CARMIL3: variants seen among roughly 807,000 people sequenced by gnomAD.
The protein encoded by CARMIL3 is capping protein regulator and myosin 1 linker 3.
Under a neutral mutation model 180.8 loss-of-function variants are expected in CARMIL3, and 88 were observed. The ratio of observed to expected loss-of-function variants is 0.49; its 90% CI spans 0.41 to 0.58. CARMIL3 has a LOEUF of 0.58. CARMIL3 is among the 20% of genes least tolerant of loss of function. The pLI is 0.00. For synonymous variants in CARMIL3, 696 were observed against 714.5 expected (o/e 0.97, Z 0.41); for missense variants, 1,548 against 1,787.0 (o/e 0.87, Z 2.41).
intron 36 of CARMIL3, among the ~76,000 whole-genome samples, chr14:24,067,512 A>G (rs926141721): frequency 4.6e-5 from 7 of 152,248 alleles, no homozygotes; most frequent in South Asian, 2.1e-4. Flanking sequence ...CTTGAGCCAC[A>G]TGCTCCCCAC....
rs748423954 is a variant in CARMIL3, at chr14:24,059,353, C to T, written c.1710C>T (p.Cys570=). The T allele has an allele frequency of 7.4e-6, 12 of 1,613,758 alleles. No homozygotes were observed. In the East Asian group the frequency reaches 2.2e-4, roughly 30 times the overall value. Residue 570 remains cysteine (C), a synonymous_variant, in exon 21 of 40, where the codon TGC becomes TGT. Coordinates refer to ENST00000342740, the MANE Select transcript of CARMIL3 (RefSeq NM_138360.4). This position sits in a 1 kb window ranked among gnomAD's most constrained non-coding sequence, Gnocchi z 6.3. ...TCAATGCCCTGGGCAGCAACACCTG[C>T]CTGGCCAAGGTGGATCTGAGCGGCA... ...ILINALGSNT[C]LAKVDLSGNG... is the part of the protein sequence containing the mutation.
In CARMIL3 at chr14:24,064,966, G is replaced by A. The variant is rs763405663; in HGVS notation, c.3089G>A (p.Arg1030Gln). 201 of 1,611,304 alleles carry A rather than the reference G, an allele frequency of 1.2e-4. No homozygotes were observed. Among genetic ancestry groups the A allele is most frequent in the African/African-American group, 3.5e-4 (26 of 74,730 alleles). Residue 1030 changes from arginine to glutamine, a missense_variant, in exon 33 of 40, where the codon CGG becomes CAG. Around this residue, in one of 4 missense-constraint regions of CARMIL3, gnomAD observed 668 missense variants for 687.8 expected, o/e 0.97. Coordinates refer to ENST00000342740, the MANE Select transcript of CARMIL3 (RefSeq NM_138360.4). ...ACCCCGATTCTCCCCAGCTACCCCCGGACTCTGAGGACCGTGCGGCCAGGA... is the reference window on the plus strand; with the variant it reads ...ACCCCGATTCTCCCCAGCTACCCCCAGACTCTGAGGACCGTGCGGCCAGGA... ...RVLEESSSYP[R>Q]TLRTVRPGLS...
At chr14:24,060,858 G>A (rs1423590884) in intron 25 of CARMIL3, 69 bp from the exon 26 acceptor site, 5 of 1,543,274 alleles carry the variant, frequency 3.2e-6, no homozygotes, top group Non-Finnish European at 4.4e-6. Flanking sequence ...TGCCTTCCTA[G>A]CCCAGGGACC....
At chr14:24,066,523 T>C in intron 35 of CARMIL3, 44 bp from the exon 36 acceptor site, 1 of 1,612,540 alleles carries the variant, frequency 6.2e-7, no homozygotes, top group Non-Finnish European at 8.5e-7. Context: ...CAAATTTACC[T>C]TTTCCCTTTC....
rs1234126538 is a variant in CARMIL3, at chr14:24,056,676, T to C, written c.920T>C (p.Leu307Pro). The change falls in exon 12 of 40, where the codon CTG becomes CCG. Residue 307 changes from leucine to proline, a missense_variant. Around this residue, in one of 4 missense-constraint regions of CARMIL3, gnomAD observed 578 missense variants for 666.5 expected, o/e 0.87. Transcript: ENST00000342740. Reference sequence around the variant, plus strand: ...TGCTTCCCCTCTGGCCTCACCAAACTGTGCCTGGCCAAGACTGCCATTTCC... The same window carrying C: ...TGCTTCCCCTCTGGCCTCACCAAACCGTGCCTGGCCAAGACTGCCATTTCC... ...LLCFPSGLTK[L>P]CLAKTAISPR... is the part of the protein sequence containing the mutation. The C allele has an allele frequency of 6.2e-7, 1 of 1,613,724 alleles. No individual in the cohort carries two copies. The highest frequency in any genetic ancestry group is 8.5e-7 in the Non-Finnish European group (1 of 1,180,028).
intron 12 of CARMIL3, 44 bp downstream of exon 12, chr14:24,056,752 C>T: frequency 1.9e-6 from 3 of 1,586,284 alleles, no homozygotes; most frequent in Non-Finnish European, 1.7e-6. Flanking sequence ...TACCCTGGTG[C>T]TGCCTGGGGT....
In CARMIL3 at chr14:24,058,014, A is replaced by G; in HGVS notation, c.1272A>G (p.Thr424=). Residue 424 remains threonine, a synonymous_variant, in exon 16 of 40, where the codon ACA becomes ACG. Coordinates refer to ENST00000342740, the MANE Select transcript of CARMIL3 (RefSeq NM_138360.4). The surrounding 1 kb of genome is among the most constrained non-coding windows in gnomAD (Gnocchi z 6.4). ...AFKQFFSSAY[T]LSHVNLSATK... is the part of the protein sequence containing the mutation. The stretch of plus-strand genomic sequence containing the variant: ...AGCAGTTCTTCAGCAGCGCCTACAC[A>G]CTGAGCCACGTCAATCTGTCGGCCA... 1 of 1,613,402 alleles carries G rather than the reference A, an allele frequency of 6.2e-7. No individual in the cohort carries two copies. The highest frequency in any genetic ancestry group is 8.5e-7 in the Non-Finnish European group (1 of 1,179,906).
In CARMIL3 at chr14:24,060,267, C is replaced by T. The variant is rs759545098; in HGVS notation, c.2061+12C>T. The T allele has an allele frequency of 1.9e-6, 3 of 1,613,922 alleles. No homozygotes were observed. The highest frequency in any genetic ancestry group is 2.5e-6 in the Non-Finnish European group (3 of 1,179,908). On this transcript the variant is annotated intron_variant, in intron 24 of 39. Coordinates refer to ENST00000342740, the MANE Select transcript of CARMIL3 (RefSeq NM_138360.4). ...GCAGCGCCGAGCAAGTAAACGTTTC[C>T]CTCTGGGACACGGGGCATACCCGGG...
rs564330801 is a variant in CARMIL3 at position 24,065,057 on chromosome 14, G to A, written c.3180G>A (p.Arg1060=). 6.5e-5 allele frequency: 104 copies of A among 1,604,182 alleles called. No individual in the cohort carries two copies. In the South Asian group the frequency reaches 1.0e-3, roughly 16 times the overall value. ...GCCGGGGCCTGTTTCACTTTCGCCGGCCCCGGAGCTTCAAGGGGGACAGGG... is the reference window on the plus strand; with the variant it reads ...GCCGGGGCCTGTTTCACTTTCGCCGACCCCGGAGCTTCAAGGGGGACAGGG... ...KRRRGLFHFR[R]PRSFKGDRGP... The change falls in exon 33 of 40, where the codon CGG becomes CGA. Residue 1060 remains arginine, a synonymous_variant. Transcript: ENST00000342740.
intron 33 of CARMIL3, 103 bp downstream of exon 33, chr14:24,065,376 G>C (rs972724347): frequency 2.9e-5 from 35 of 1,210,788 alleles, no homozygotes; most frequent in Non-Finnish European, 3.8e-5. Flanking sequence ...TAGGACCCAG[G>C]GTTCTTGGGA....
In CARMIL3 at chr14:24,059,208, G is replaced by C; in HGVS notation, c.1626+19G>C. 1.5e-5 allele frequency: 25 copies of C among 1,613,688 alleles called. No individual in the cohort carries two copies. The highest frequency in any genetic ancestry group is 2.1e-5 in the Non-Finnish European group (25 of 1,179,904). ...GGACTGTGTGAGTGCCTGGGCCTGGGAGGGGACCTGCAGTCGGAGGAGGCT... is the reference window on the plus strand; with the variant it reads ...GGACTGTGTGAGTGCCTGGGCCTGGCAGGGGACCTGCAGTCGGAGGAGGCT... On this transcript the variant is annotated intron_variant, in intron 20 of 39. Coordinates refer to ENST00000342740, the MANE Select transcript of CARMIL3 (RefSeq NM_138360.4). This position sits in a 1 kb window ranked among gnomAD's most constrained non-coding sequence, Gnocchi z 6.3.
At position 24,052,138 on chromosome 14, in the gene CARMIL3, A is replaced by C; in HGVS notation, c.-16A>C. ...GCGGCGGCTCCTCTGCAGCAGCCTC[A>C]GCAGCAGCGGCCGCCATGGCCAAGC... On this transcript the variant is annotated 5_prime_UTR_variant, in exon 1 of 40. Transcript: ENST00000342740. 6.4e-7 allele frequency: 1 copy of C among 1,572,318 alleles called. No individual in the cohort carries two copies.
chr14:24,056,376 A>G lies in CARMIL3; in HGVS notation c.848A>G (p.Asn283Ser), dbSNP rs758588855. Residue 283 changes from asparagine to serine, a missense_variant, in exon 11 of 40, where the codon AAC becomes AGC. Physicochemically the swap from Asn to Ser is conservative, Grantham distance 46. Around this residue, in one of 4 missense-constraint regions of CARMIL3, gnomAD observed 578 missense variants for 666.5 expected, o/e 0.87. Coordinates refer to ENST00000342740, the MANE Select transcript of CARMIL3 (RefSeq NM_138360.4). ...CVLHALTLSHNPIEDKGFLSL... is the reference protein window; with the variant it reads ...CVLHALTLSHSPIEDKGFLSL... ...CTGCATGCCCTCACTCTGTCCCACA[A>G]CCCCATCGAGGACAAGGGTGAGCCC... is the stretch of plus-strand genomic sequence containing the variant. The G allele has an allele frequency of 3.1e-6, 5 of 1,613,302 alleles. No homozygotes were observed. The highest frequency in any genetic ancestry group is 4.2e-6 in the Non-Finnish European group (5 of 1,179,604).
chr14:24,064,767 A>G (rs1435424624), intron 32 of CARMIL3, among the ~76,000 whole-genome samples, 191 bp from the exon 33 acceptor site: 2 of 152,162 alleles, frequency 1.3e-5, no homozygotes, highest in Non-Finnish European at 2.9e-5. Context: ...GGGAAGAAAC[A>G]TCAGTCTGCG....
Position 24,053,653 on chromosome 14 carries a change from A to C in CARMIL3, c.41-56A>C, listed in dbSNP as rs114630408. 7.2e-4 allele frequency: 952 copies of C among 1,323,360 alleles called. 7 individuals are homozygous for C. The African/African-American group carries it at 0.012, about 17-fold the overall frequency. The allele number at this position is 1,323,360 out of a possible 1,614,324, so 82.0% of individuals were successfully genotyped here. A position where few individuals can be genotyped will look rare whatever the true frequency, so the allele number is the denominator to read the frequency against. ...CTGCCTCTATCTGGAGAGCTCTGGG[A>C]GGTGGGGGTGGCCAGGGTAAGGTGA... is the stretch of plus-strand genomic sequence containing the variant. On this transcript the variant is annotated intron_variant, in intron 1 of 39. Coordinates refer to ENST00000342740, the MANE Select transcript of CARMIL3 (RefSeq NM_138360.4).
In CARMIL3 at chr14:24,058,777, TC is replaced by T. The variant is rs1377883888; in HGVS notation, c.1474+19del. On this transcript the variant is annotated intron_variant, in intron 18 of 39. Transcript: ENST00000342740. This position sits in a 1 kb window ranked among gnomAD's most constrained non-coding sequence, Gnocchi z 6.4. ...TCAGACAATGGTGAGTAGTGGTTCC[TC>T]CCTTCCCTGGGGCCAGGGGAGAACA... 1.9e-6 allele frequency: 3 copies of T among 1,613,950 alleles called. No homozygotes were observed. The Admixed American group carries it at 5.0e-5, about 27-fold the overall frequency.
intron 32 of CARMIL3, 52 bp downstream of exon 32, chr14:24,064,398 G>T: frequency 7.4e-7 from 1 of 1,354,126 alleles, no homozygotes; most frequent in Non-Finnish European, 1.0e-6. Flanking sequence ...GGCCCTAGAA[G>T]GGCTGCTGTG....
In CARMIL3 at chr14:24,069,713, A is replaced by T. The variant is rs1772921885; in HGVS notation, c.*309A>T. On this transcript the variant is annotated 3_prime_UTR_variant, in exon 40 of 40. Coordinates refer to ENST00000342740, the MANE Select transcript of CARMIL3 (RefSeq NM_138360.4). ...GACTCTCTCCCCTCTTGTATAGAAT[A>T]AAAAAACAAAATCATCGCCTGCCTC... is the stretch of plus-strand genomic sequence containing the variant. The T allele has an allele frequency of 7.5e-6, 3 of 401,316 alleles. No homozygotes were observed. Among genetic ancestry groups the T allele is most frequent in the Admixed American group, 8.1e-5 (2 of 24,552 alleles). The allele number at this position is 401,316 out of a possible 1,614,324, so 24.9% of individuals were successfully genotyped here. A position where few individuals can be genotyped will look rare whatever the true frequency, so the allele number is the denominator to read the frequency against.
chr14:24,062,641 C>T, intron 28 of CARMIL3, 68 bp from the exon 29 acceptor site: 1 of 1,613,096 alleles, frequency 6.2e-7, no homozygotes. Flanking sequence ...CCCTAATCAC[C>T]CTCCCCTTCA....
Sources: gnomAD v4.1 joint callset for allele counts (sites outside exome capture counted in the v4.1 genomes callset) on GRCh38, gnomAD v4.1.1 for gene constraint, gnomAD v4.1.1 regional missense constraint, Gnocchi (gnomAD v3.1) non-coding constraint, MANE v1.5 for transcripts, NCBI Gene and HGNC (gene_info 2026-07-23, HGNC 2026-07-21) for gene names.